LINGO2: variants seen among roughly 807,000 people sequenced by gnomAD.
The protein encoded by LINGO2 is leucine rich repeat and Ig domain containing 2.
A neutral mutation model predicts 30.6 loss-of-function variants in LINGO2; 14 were observed. The ratio of observed to expected loss-of-function variants is 0.46; its 90% CI spans 0.30 to 0.72. The LOEUF is 0.72. LINGO2 is among the 30% of genes least tolerant of loss of function. The pLI is 0.07. For synonymous variants in LINGO2, 317 were observed against 288.5 expected (o/e 1.10, Z -1.00); for missense variants, 729 against 751.7 (o/e 0.97, Z 0.35).
the LINGO2 span, among the ~76,000 whole-genome samples, chr9:29,041,562 T>C: frequency 6.6e-6 from 1 of 151,928 alleles, no homozygotes; most frequent in East Asian, 1.9e-4. Context: ...TAACCAGAGT[T>C]AAGAAAATGT....
At chr9:29,111,449 AC>A in the LINGO2 span, among the ~76,000 whole-genome samples, 7 of 152,040 alleles carry the variant, frequency 4.6e-5, no homozygotes, top group Non-Finnish European at 1.0e-4. Flanking sequence ...TTCATTAAAA[AC>A]GATGCAAAAG....
chr9:28,740,068 A>T, the LINGO2 span, among the ~76,000 whole-genome samples: 4 of 150,502 alleles, frequency 2.7e-5, no homozygotes, highest in African/African-American at 9.8e-5. Context: ...TTTGTTTTTG[A>T]TTTCTCACTT....
At chr9:28,473,656 G>A (rs1331895) in intron 2 of LINGO2, among the ~76,000 whole-genome samples, 129,070 of 152,032 alleles carry the variant, frequency 0.85, 55,300 homozygotes, top group East Asian at 1. Context: ...ATGACTGCTT[G>A]ATTTTCTGAG....
At chr9:28,720,480 AT>A in the LINGO2 span, among the ~76,000 whole-genome samples, 1 of 152,054 alleles carries the variant, frequency 6.6e-6, no homozygotes, top group African/African-American at 2.4e-5. Context: ...TAAAATTCAT[AT>A]TTAGATATCT....
At chr9:28,034,144 T>C (rs1823817222) in intron 4 of LINGO2, among the ~76,000 whole-genome samples, 1 of 152,196 alleles carries the variant, frequency 6.6e-6, no homozygotes, top group Non-Finnish European at 1.5e-5. Flanking sequence ...GAGGTGTTTG[T>C]TTCCTGGGGC....
At chr9:28,848,111 CACACTATATAT>C in the LINGO2 span, among the ~76,000 whole-genome samples, 1 of 43,866 alleles carries the variant, frequency 2.3e-5, no homozygotes, top group African/African-American at 9.4e-5. Context: ...TGTATATATA[CACACTATATAT>C]ACACTATATA....
At chr9:29,054,534 A>C in the LINGO2 span, among the ~76,000 whole-genome samples, 1 of 152,196 alleles carries the variant, frequency 6.6e-6, no homozygotes, top group Non-Finnish European at 1.5e-5. Flanking sequence ...AAATGCTTTT[A>C]AATAGCAGTT....
intron 5 of LINGO2, among the ~76,000 whole-genome samples, chr9:27,983,263 G>A (rs1820968249): frequency 6.6e-6 from 1 of 151,858 alleles, no homozygotes; most frequent in Admixed American, 6.6e-5. Flanking sequence ...TAGTAGAGAT[G>A]TTACTGCCAT....
At chr9:28,057,554 T>A (rs1418853543) in intron 4 of LINGO2, among the ~76,000 whole-genome samples, 24 of 146,976 alleles carry the variant, frequency 1.6e-4, no homozygotes, top group African/African-American at 5.9e-4. Context: ...TGTATATAAG[T>A]ATATATATAT....
the LINGO2 span, among the ~76,000 whole-genome samples, chr9:28,943,425 A>C: frequency 4.0e-4 from 61 of 152,254 alleles, no homozygotes; most frequent in African/African-American, 1.3e-3. Context: ...TGACGGATTG[A>C]GTGAAGGGCA....
chr9:29,099,223 G>C, the LINGO2 span, among the ~76,000 whole-genome samples: 1 of 152,110 alleles, frequency 6.6e-6, no homozygotes, highest in Non-Finnish European at 1.5e-5. Context: ...ACCACCTACA[G>C]GGTGAAATCA....
the LINGO2 span, among the ~76,000 whole-genome samples, chr9:28,743,365 T>TGATATTCCCCTCCCTGTGTCC: frequency 6.6e-6 from 1 of 151,238 alleles, no homozygotes; most frequent in Non-Finnish European, 1.5e-5. Flanking sequence ...CCCCGGTGTG[T>TGATATTCCCCTCCCTGTGTCC]GATATTCCCC....
chr9:28,235,042 T>C (rs1301005372), intron 4 of LINGO2, among the ~76,000 whole-genome samples: 1 of 152,154 alleles, frequency 6.6e-6, no homozygotes, highest in African/African-American at 2.4e-5. Flanking sequence ...AAATTCACCA[T>C]CCTAAAGGGA....
chr9:28,321,875 G>A (rs1056677298), intron 3 of LINGO2, among the ~76,000 whole-genome samples: 8 of 151,866 alleles, frequency 5.3e-5, no homozygotes, highest in African/African-American at 1.9e-4. Context: ...TAGGACAGGC[G>A]ATGGAAAGCT....
chr9:29,194,322 T>C, the LINGO2 span, among the ~76,000 whole-genome samples: 1 of 152,160 alleles, frequency 6.6e-6, no homozygotes, highest in Non-Finnish European at 1.5e-5. Context: ...GGCCACAGGC[T>C]GTCCCCTATT....
chr9:29,121,982 G>A, the LINGO2 span, among the ~76,000 whole-genome samples: 1 of 152,062 alleles, frequency 6.6e-6, no homozygotes, highest in Non-Finnish European at 1.5e-5. Flanking sequence ...TACGAAGTAA[G>A]TATCAGAAGA....
chr9:28,913,043 T>G, the LINGO2 span, among the ~76,000 whole-genome samples: 1 of 152,248 alleles, frequency 6.6e-6, no homozygotes, highest in South Asian at 2.1e-4. Context: ...TAACATTATA[T>G]TTTGAGGTAT....
At chr9:29,102,869 T>G in the LINGO2 span, among the ~76,000 whole-genome samples, 1 of 152,024 alleles carries the variant, frequency 6.6e-6, no homozygotes, top group Non-Finnish European at 1.5e-5. Flanking sequence ...TAGAAAGCAT[T>G]CTCTCTACTT....
the LINGO2 span, among the ~76,000 whole-genome samples, chr9:28,882,896 CTA>C: frequency 6.6e-6 from 1 of 152,174 alleles, no homozygotes; most frequent in Non-Finnish European, 1.5e-5. Flanking sequence ...TTCTCCTGAG[CTA>C]TTGTAATAGT....
Sources: allele counts gnomAD v4.1 joint callset (sites outside exome capture counted in the v4.1 genomes callset), GRCh38; gene constraint gnomAD v4.1.1; transcripts MANE v1.5; gene names NCBI Gene and HGNC (gene_info 2026-07-23, HGNC 2026-07-21).